The following USP2 variants were observed in gnomAD, a reference collection of about 807,000 sequenced individuals.
The protein encoded by USP2 is ubiquitin carboxyl-terminal hydrolase 2.
USP2 carries 33 observed loss-of-function variants against 72.0 expected under a neutral mutation model. That is an observed-to-expected ratio of 0.46 (90% CI 0.35 to 0.61). USP2 has a LOEUF of 0.61. Ranked by LOEUF, USP2 falls within the 20% of genes least tolerant of loss-of-function variation. The pLI, the probability that USP2 is intolerant of heterozygous loss-of-function variation, is 0.01. For missense variants in USP2, 691 were observed against 797.8 expected (o/e 0.87, Z 1.61); for synonymous variants, 296 against 312.5 (o/e 0.95, Z 0.56).
Position 119,373,071 on chromosome 11 carries a change from G to A in USP2, c.410C>T (p.Thr137Ile). The change falls in exon 2 of 13, where the codon ACC becomes ATC. Residue 137 changes from threonine to isoleucine, a missense_variant. Physicochemically the swap from Thr to Ile is moderately conservative, Grantham distance 89 (BLOSUM62 -1). Coordinates refer to ENST00000260187, the MANE Select transcript of USP2 (RefSeq NM_004205.5). The part of the protein sequence containing the change: ...INAYDQGVTL[T>I]QKLDSQSDLA... ...GTCTGATTGGCTGTCCAGCTTCTGGGTTAGGGTCACCCCCTGGTCATAGGC... is the reference window on the plus strand; with the variant it reads ...GTCTGATTGGCTGTCCAGCTTCTGGATTAGGGTCACCCCCTGGTCATAGGC... 1 of 1,614,068 alleles carries A rather than the reference G, an allele frequency of 6.2e-7. No homozygotes were observed. The highest frequency in any genetic ancestry group is 1.7e-5 in the Admixed American group (1 of 60,032).
At chr11:119,366,041 C>T (rs2195526) in intron 2 of USP2, among the ~76,000 whole-genome samples, 31,607 of 151,872 alleles carry the variant, frequency 0.21, 3,822 homozygotes, top group South Asian at 0.39. Context: ...ATTACAGGTG[C>T]GCACCACCAC....
chr11:119,357,858 A>C (rs1302003796), intron 9 of USP2, 23 bp from the exon 10 acceptor site: 1 of 1,614,006 alleles, frequency 6.2e-7, no homozygotes, highest in South Asian at 1.1e-5. Context: ...ACAAACAGAA[A>C]GAACTTGTGG....
intron 2 of USP2, chr11:119,360,448 G>A: frequency 1.6e-6 from 1 of 623,264 alleles, no homozygotes; most frequent in Non-Finnish European, 2.9e-6. Context: ...TTTTGAGACG[G>A]AATCTCACGC....
intron 2 of USP2, among the ~76,000 whole-genome samples, chr11:119,367,998 C>T (rs1207367919): frequency 6.6e-6 from 1 of 152,190 alleles, no homozygotes; most frequent in Admixed American, 6.5e-5. Flanking sequence ...GAGGATGGTG[C>T]TGGGCACCGA....
chr11:119,366,502 CT>C (rs780589675), intron 2 of USP2, among the ~76,000 whole-genome samples: 4 of 152,084 alleles, frequency 2.6e-5, no homozygotes, highest in Non-Finnish European at 4.4e-5. Flanking sequence ...ATATGTTTAT[CT>C]TTGCTTTATA....
chr11:119,369,292 G>T (rs1013757286), intron 2 of USP2, among the ~76,000 whole-genome samples: 2 of 144,378 alleles, frequency 1.4e-5, no homozygotes, highest in African/African-American at 5.0e-5. Context: ...CCTGCCACCC[G>T]CCCCTGCCCC....
intron 11 of USP2, 34 bp from the exon 12 acceptor site, chr11:119,357,341 C>G: frequency 6.2e-7 from 1 of 1,612,020 alleles, no homozygotes; most frequent in Non-Finnish European, 8.5e-7. Context: ...CCCCCGAGGC[C>G]CCCCTGCCCC....
At chr11:119,370,917 G>A (rs1373528195) in intron 2 of USP2, among the ~76,000 whole-genome samples, 3 of 152,180 alleles carry the variant, frequency 2.0e-5, no homozygotes, top group African/African-American at 4.8e-5. Context: ...TCCCAGGAGG[G>A]TTGGGCCATG....
At chr11:119,372,569 G>A (rs1178309747) in intron 2 of USP2, 138 bp downstream of exon 2, 2 of 927,108 alleles carry the variant, frequency 2.2e-6, no homozygotes, top group Non-Finnish European at 1.5e-6. Flanking sequence ...AGATGTGCCA[G>A]GATGACTTCT....
intron 2 of USP2, chr11:119,363,924 C>A: frequency 8.4e-7 from 1 of 1,186,668 alleles, no homozygotes; most frequent in Non-Finnish European, 1.1e-6. Context: ...GCGGCCGCAG[C>A]TCCTTGGCGA....
chr11:119,374,274 A>G (rs1950972571), intron 1 of USP2, among the ~76,000 whole-genome samples: 3 of 152,172 alleles, frequency 2.0e-5, no homozygotes, highest in Admixed American at 1.3e-4. Flanking sequence ...TCCTCTACCA[A>G]CACAGGCTTC....
Position 119,360,165 on chromosome 11 carries a change from C to T in USP2, c.825+19G>A. ...GTAGGGGGTGGGCCTGGGGAAGAAG[C>T]AGGCCAGGAAAAACTCACCGTGTTC... On this transcript the variant is annotated intron_variant, in intron 3 of 12. Coordinates refer to ENST00000260187, the MANE Select transcript of USP2 (RefSeq NM_004205.5). 6.2e-7 allele frequency: 1 copy of T among 1,612,512 alleles called. No homozygotes were observed. The highest frequency in any genetic ancestry group is 8.5e-7 in the Non-Finnish European group (1 of 1,179,604).
chr11:119,356,338 C>T lies in USP2; in HGVS notation c.*497G>A, dbSNP rs189509916. 357 of 155,044 alleles carry T rather than the reference C, an allele frequency of 2.3e-3. 2 individuals are homozygous for T. Among genetic ancestry groups the T allele is most frequent in the African/African-American group, 8.2e-3 (342 of 41,626 alleles). The allele number at this position is 155,044 out of a possible 1,614,324, so 9.6% of individuals were successfully genotyped here. A position where few individuals can be genotyped will look rare whatever the true frequency, so the allele number is the denominator to read the frequency against. On this transcript the variant is annotated 3_prime_UTR_variant, in exon 13 of 13. Coordinates refer to ENST00000260187, the MANE Select transcript of USP2 (RefSeq NM_004205.5). ...TTTCCAAAGATGTCCCTTCGTCTGT[C>T]CCCTGGAGTTAGCAGCGTGAAGAGG...
At chr11:119,371,490 C>T (rs1487511782) in intron 2 of USP2, among the ~76,000 whole-genome samples, 2 of 152,082 alleles carry the variant, frequency 1.3e-5, no homozygotes, top group Non-Finnish European at 2.9e-5. Flanking sequence ...GAGGCACCAG[C>T]GTTTCTATCT....
At position 119,359,612 on chromosome 11, in the gene USP2, T is replaced by C; in HGVS notation, c.874A>G (p.Arg292Gly). The change falls in exon 4 of 13, where the codon AGA (arginine) becomes GGA (glycine). Residue 292 changes from arginine to glycine, a missense_variant. Arg to Gly is a moderately radical substitution (Grantham distance 125). Transcript: ENST00000260187. ...LQCLSNTREL[R>G]DYCLQRLYMR... The stretch of plus-strand genomic sequence containing the variant: ...TAGAGCCTCTGGAGGCAGTAATCTC[T>C]CAACTCCCGAGTGTTGCTCAGGCAC... The C allele has an allele frequency of 6.2e-7, 1 of 1,614,008 alleles. No individual in the cohort carries two copies. The highest frequency in any genetic ancestry group is 8.5e-7 in the Non-Finnish European group (1 of 1,180,020).
chr11:119,363,076 C>T (rs1950788163), intron 2 of USP2, among the ~76,000 whole-genome samples: 1 of 152,240 alleles, frequency 6.6e-6, no homozygotes, highest in African/African-American at 2.4e-5. Context: ...CCGCCTACCT[C>T]ACCTGTGTGG....
chr11:119,377,602 C>T (rs1951017618), intron 1 of USP2, among the ~76,000 whole-genome samples: 1 of 152,204 alleles, frequency 6.6e-6, no homozygotes, highest in African/African-American at 2.4e-5. Context: ...CCAGCATCTA[C>T]CCCAGCTCGG....
intron 2 of USP2, among the ~76,000 whole-genome samples, chr11:119,362,762 G>C (rs947672935): frequency 6.6e-6 from 1 of 152,220 alleles, no homozygotes; most frequent in African/African-American, 2.4e-5. Context: ...GTGAAAGCCA[G>C]AGAAGGAAAT....
chr11:119,363,584 G>A (rs1000137380), intron 2 of USP2, among the ~76,000 whole-genome samples: 5 of 152,034 alleles, frequency 3.3e-5, no homozygotes, highest in Admixed American at 2.6e-4. Context: ...GAATTGAGAG[G>A]CCAAGAGCCA....
Sources: allele counts gnomAD v4.1 joint callset (sites outside exome capture counted in the v4.1 genomes callset), GRCh38; gene constraint gnomAD v4.1.1; transcripts MANE v1.5; gene names NCBI Gene and HGNC (gene_info 2026-07-23, HGNC 2026-07-21).